The following SPATS2 variants were observed in gnomAD, a reference collection of about 807,000 sequenced individuals.
SPATS2 encodes the protein spermatogenesis associated serine rich 2, also known as spermatogenesis-associated serine-rich protein 2.
Under a neutral mutation model 63.7 loss-of-function variants are expected in SPATS2, and 38 were observed. The ratio of observed to expected loss-of-function variants is 0.60; its 90% CI spans 0.46 to 0.78. The LOEUF (loss-of-function observed/expected upper bound fraction) is 0.78, where lower values mean the gene tolerates loss of function less well. Ranked by LOEUF, SPATS2 falls within the 30% of genes least tolerant of loss-of-function variation. The pLI, the probability that SPATS2 is intolerant of heterozygous loss-of-function variation, is 0.00. For missense variants in SPATS2, 588 were observed against 666.2 expected (o/e 0.88, Z 1.29); for synonymous variants, 207 against 232.9 (o/e 0.89, Z 1.01).
chr12:49,519,919 A>G (rs967190104), intron 11 of SPATS2, among the ~76,000 whole-genome samples: 34 of 151,024 alleles, frequency 2.3e-4, no homozygotes, highest in African/African-American at 8.0e-4. Context: ...GGTGCAAGCA[A>G]TTCTCCTGCT....
chr12:49,402,599 G>A (rs1349619494), intron 2 of SPATS2, among the ~76,000 whole-genome samples: 2 of 152,110 alleles, frequency 1.3e-5, no homozygotes, highest in Non-Finnish European at 2.9e-5. Flanking sequence ...TGAGAGGTGC[G>A]AGCATCAGAA....
intron 2 of SPATS2, among the ~76,000 whole-genome samples, chr12:49,459,504 A>G (rs923439446): frequency 5.3e-5 from 8 of 151,836 alleles, no homozygotes; most frequent in Non-Finnish European, 1.5e-5. Flanking sequence ...ATGCACCACT[A>G]TGCCCAGCTA....
chr12:49,458,483 G>GA (rs542751587), intron 2 of SPATS2, among the ~76,000 whole-genome samples: 1,865 of 146,458 alleles, frequency 0.013, 38 homozygotes, highest in African/African-American at 0.044. Context: ...AAAAGGAAAA[G>GA]AAAAAAAAAA....
At chr12:49,509,562 A>C (rs11615726) in intron 9 of SPATS2, among the ~76,000 whole-genome samples, 1 of 151,888 alleles carries the variant, frequency 6.6e-6, no homozygotes, top group African/African-American at 2.4e-5. Flanking sequence ...GAGCCACTGC[A>C]CCTGACCTTT....
intron 3 of SPATS2, among the ~76,000 whole-genome samples, chr12:49,477,555 C>A (rs1360080985): frequency 6.6e-6 from 1 of 152,092 alleles, no homozygotes; most frequent in Non-Finnish European, 1.5e-5. Flanking sequence ...ATTGATGAAC[C>A]GTCAGTCGGT....
intron 9 of SPATS2, among the ~76,000 whole-genome samples, chr12:49,511,337 A>C (rs1004035895): frequency 6.6e-5 from 10 of 152,222 alleles, no homozygotes; most frequent in African/African-American, 2.4e-4. Context: ...ATCCAAATCT[A>C]TCTTTCATGA....
At chr12:49,435,021 GCTT>G (rs1163820768) in intron 2 of SPATS2, among the ~76,000 whole-genome samples, 2 of 142,370 alleles carry the variant, frequency 1.4e-5, no homozygotes, top group Admixed American at 1.4e-4. Flanking sequence ...TAACTGAATG[GCTT>G]TTTTTTTTTT....
intron 3 of SPATS2, chr12:49,462,602 GA>G: frequency 1.7e-6 from 1 of 599,144 alleles, no homozygotes; most frequent in Non-Finnish European, 3.0e-6. Context: ...TGGTGTCCAG[GA>G]AAAATGAGGT....
At chr12:49,468,303 G>A (rs1021587407) in intron 3 of SPATS2, among the ~76,000 whole-genome samples, 2 of 151,126 alleles carry the variant, frequency 1.3e-5, no homozygotes, top group South Asian at 2.1e-4. Context: ...GGGATTACAG[G>A]TGCCCACCAC....
chr12:49,509,884 A>C (rs1248501913), intron 9 of SPATS2, among the ~76,000 whole-genome samples: 1 of 151,674 alleles, frequency 6.6e-6, no homozygotes, highest in Admixed American at 6.6e-5. Context: ...TGGAAAGAGG[A>C]AACCGTCTTC....
intron 2 of SPATS2, among the ~76,000 whole-genome samples, chr12:49,401,838 C>T (rs1335292464): frequency 6.6e-6 from 1 of 152,120 alleles, no homozygotes; most frequent in Non-Finnish European, 1.5e-5. Context: ...GCTGGGATTA[C>T]AGCCATGTAG....
Position 49,460,950 on chromosome 12 carries a change from C to A in SPATS2, c.-63C>A. ...CTTTTAAATCAGAGATACCTACACT[C>A]AAAACCCAGACAAGGCAAAAGGATA... On this transcript the variant is annotated 5_prime_UTR_variant, in exon 3 of 14. Transcript: ENST00000552918. The A allele has an allele frequency of 1.9e-6, 3 of 1,600,850 alleles. No homozygotes were observed. The highest frequency in any genetic ancestry group is 2.2e-5 in the South Asian group (2 of 89,808).
At chr12:49,394,222 C>T (rs369111242) in intron 2 of SPATS2, among the ~76,000 whole-genome samples, 176 of 151,416 alleles carry the variant, frequency 1.2e-3, no homozygotes, top group African/African-American at 4.0e-3. Context: ...CCTGCAGTCG[C>T]GGCTACTTGG....
rs575512415 is a variant in SPATS2, at chr12:49,434,681, T to C, written c.-243-26089T>C. ...GCTGTACCCTCTGGTTCAGGAGTCA[T>C]AGTACTAGGGATGTGGTCTGTGACC... On this transcript the variant is annotated intron_variant, in intron 2 of 13. Coordinates refer to ENST00000552918, the MANE Select transcript of SPATS2 (RefSeq NM_023071.4). Among the ~76,000 whole-genome samples, 6 of 152,324 alleles carry C rather than the reference T, an allele frequency of 3.9e-5. No individual in the cohort carries two copies. In the South Asian group the frequency reaches 1.2e-3, roughly 32 times the overall value.
chr12:49,419,734 A>G (rs1944947331), intron 2 of SPATS2, among the ~76,000 whole-genome samples: 1 of 152,234 alleles, frequency 6.6e-6, no homozygotes, highest in African/African-American at 2.4e-5. Flanking sequence ...CTATCCTTTC[A>G]TATGACATAT....
chr12:49,378,367 G>A (rs1307893113), intron 2 of SPATS2, among the ~76,000 whole-genome samples: 1 of 151,174 alleles, frequency 6.6e-6, no homozygotes, highest in African/African-American at 2.4e-5. Flanking sequence ...GCTCGAACTC[G>A]GCTCACTGCA....
At chr12:49,493,634 C>T (rs1413391342) in intron 6 of SPATS2, among the ~76,000 whole-genome samples, 2 of 152,046 alleles carry the variant, frequency 1.3e-5, no homozygotes, top group Admixed American at 1.3e-4. Context: ...AACTCCTGAC[C>T]TCAGGTGATC....
chr12:49,370,880 C>G (rs2137130729), intron 1 of SPATS2, among the ~76,000 whole-genome samples: 1 of 152,160 alleles, frequency 6.6e-6, no homozygotes, highest in African/African-American at 2.4e-5. Flanking sequence ...GCCCAGTTAA[C>G]TTTTGTATTT....
intron 2 of SPATS2, among the ~76,000 whole-genome samples, chr12:49,391,632 G>A (rs1396780793): frequency 1.3e-5 from 2 of 152,222 alleles, no homozygotes; most frequent in African/African-American, 4.8e-5. Context: ...TGTTGTGATT[G>A]TAGTAAAAAG....
Sources: allele counts gnomAD v4.1 joint callset (sites outside exome capture counted in the v4.1 genomes callset), GRCh38; gene constraint gnomAD v4.1.1; transcripts MANE v1.5; gene names NCBI Gene and HGNC (gene_info 2026-07-23, HGNC 2026-07-21).